INTS6: variants seen among roughly 807,000 people sequenced by gnomAD.
The protein encoded by INTS6 is integrator complex subunit 6, also known as DEAD box protein.
A neutral mutation model predicts 104.9 loss-of-function variants in INTS6; 16 were observed. The observed-to-expected ratio is 0.15, with a 90% CI of 0.10 to 0.23. INTS6 has a LOEUF of 0.23. INTS6 is among the 10% of genes least tolerant of loss of function. The probability of loss-of-function intolerance (pLI) is 1.00; values close to 1 mark genes in which losing one functional copy is unlikely to be tolerated. For missense variants in INTS6, 584 were observed against 1,062.8 expected, an observed-to-expected ratio of 0.55 and a Z score of 6.26; for synonymous variants, 324 against 358.7, an observed-to-expected ratio of 0.90 and a Z score of 1.09.
At position 51,378,358 on chromosome 13, in the gene INTS6, T is replaced by C. The variant is rs1429931122; in HGVS notation, c.1483A>G (p.Met495Val). Residue 495 changes from methionine (M) to valine (V), a missense_variant, in exon 12 of 18, where the codon ATG becomes GTG. Physicochemically the swap from Met to Val is conservative, Grantham distance 21. This residue lies in a region of INTS6 where 74 missense variants were observed against 64.4 expected (regional missense o/e 1.15). Transcript: ENST00000311234. ...TGTTGAAAATCTTTCCTATATGCCA[T>C]TGATAAACCATGTGATCGGCTCCGG... ...KVRSRSHGLS[M>V]AYRKDFQQLL... 7 of 1,613,476 alleles carry C rather than the reference T, an allele frequency of 4.3e-6. No homozygotes were observed. Among genetic ancestry groups the C allele is most frequent in the Middle Eastern group, 1.7e-4 (1 of 6,056 alleles).
intron 4 of INTS6, among the ~76,000 whole-genome samples, chr13:51,428,217 A>T (rs956342048): frequency 1.3e-5 from 2 of 152,144 alleles, no homozygotes; most frequent in African/African-American, 2.4e-5. Flanking sequence ...CATTCAAAAG[A>T]CTTTTAATTT....
chr13:51,444,810 T>C (rs1418193080), intron 3 of INTS6: 1 of 151,202 alleles, frequency 6.6e-6, no homozygotes, highest in East Asian at 1.9e-4. Context: ...CTTTTTTTTT[T>C]TTTTTTCAGA....
At chr13:51,349,818 T>G (rs1259585436), downstream of INTS6, among the ~76,000 whole-genome samples, 1 of 152,214 alleles carries the variant, frequency 6.6e-6, no homozygotes, top group African/African-American at 2.4e-5. Flanking sequence ...CTCATTCTGA[T>G]AATTTTTTTT....
the INTS6 span, among the ~76,000 whole-genome samples, chr13:51,338,983 A>G: frequency 6.6e-6 from 1 of 152,212 alleles, no homozygotes; most frequent in Non-Finnish European, 1.5e-5. Flanking sequence ...AATGTATGTA[A>G]TTCTGAATTG....
chr13:51,347,299 G>T, the INTS6 span: 1 of 1,386,438 alleles, frequency 7.2e-7, no homozygotes. Context: ...GCAGGAGAGA[G>T]GAGGCCAGGT....
At chr13:51,383,860 G>A (rs1956092997) in intron 7 of INTS6, 119 bp from the exon 8 acceptor site, 4 of 731,238 alleles carry the variant, frequency 5.5e-6, no homozygotes, top group Admixed American at 3.0e-5. Context: ...TTGATTTACT[G>A]CTAAAAGCAA....
At chr13:51,419,100 CT>C (rs1157055844) in intron 4 of INTS6, among the ~76,000 whole-genome samples, 9 of 152,048 alleles carry the variant, frequency 5.9e-5, no homozygotes, top group Non-Finnish European at 1.3e-4. Flanking sequence ...CAATTCATTC[CT>C]TTTTATTGCT....
At chr13:51,361,406 T>C (rs1253595951), downstream of INTS6, 1 of 1,240,006 alleles carries the variant, frequency 8.1e-7, no homozygotes, top group East Asian at 2.4e-5. Context: ...TACCCATATC[T>C]ACCTTTCTGA....
intron 7 of INTS6, chr13:51,383,943 C>CA: frequency 2.7e-6 from 1 of 374,050 alleles, no homozygotes; most frequent in Non-Finnish European, 4.7e-6. Context: ...AAGATAAACA[C>CA]TTGAAAATCT....
intron 4 of INTS6, among the ~76,000 whole-genome samples, chr13:51,429,833 A>G (rs1234896055): frequency 1.3e-5 from 2 of 148,254 alleles, no homozygotes; most frequent in African/African-American, 4.9e-5. Flanking sequence ...GACTTAGAGA[A>G]AACAAAAATG....
chr13:51,427,269 T>A (rs905029073), intron 4 of INTS6, among the ~76,000 whole-genome samples: 1 of 152,094 alleles, frequency 6.6e-6, no homozygotes, highest in Non-Finnish European at 1.5e-5. Context: ...ATACACTGAA[T>A]AAATCTAAAA....
chr13:51,416,106 A>T (rs1566236120), intron 4 of INTS6, among the ~76,000 whole-genome samples: 1 of 152,216 alleles, frequency 6.6e-6, no homozygotes, highest in African/African-American at 2.4e-5. Context: ...TTATTAACAA[A>T]GGTAGAATCA....
intron 4 of INTS6, among the ~76,000 whole-genome samples, chr13:51,428,131 G>A (rs9535664): frequency 0.42 from 64,291 of 151,862 alleles, 14,157 homozygotes; most frequent in African/African-American, 0.55. Flanking sequence ...GCATCACCTC[G>A]CACATAAGAA....
intron 5 of INTS6, among the ~76,000 whole-genome samples, chr13:51,390,245 T>C (rs1010241307): frequency 1.3e-5 from 2 of 152,042 alleles, no homozygotes; most frequent in African/African-American, 4.8e-5. Flanking sequence ...CTAGTCTGAA[T>C]TGAAATGTAT....
chr13:51,400,926 C>T (rs2137989096), intron 4 of INTS6, among the ~76,000 whole-genome samples: 1 of 152,126 alleles, frequency 6.6e-6, no homozygotes, highest in East Asian at 1.9e-4. Flanking sequence ...AAGAACAAGG[C>T]AAATATGGCA....
chr13:51,361,271 T>C (rs376997189), downstream of INTS6: 26 of 1,594,476 alleles, frequency 1.6e-5, no homozygotes, highest in Non-Finnish European at 1.7e-6. Flanking sequence ...TCATTTTCTG[T>C]GGTTAGGCCA....
chr13:51,418,113 T>G (rs1956827156), intron 4 of INTS6, among the ~76,000 whole-genome samples: 2 of 152,224 alleles, frequency 1.3e-5, no homozygotes, highest in South Asian at 4.1e-4. Context: ...TTTAAAATAA[T>G]TAAGCTCAAC....
chr13:51,394,024 A>T (rs536162509), intron 5 of INTS6, among the ~76,000 whole-genome samples: 1 of 151,278 alleles, frequency 6.6e-6, no homozygotes, highest in East Asian at 1.9e-4. Context: ...AAATCCCCAG[A>T]GTTTAAAAAA....
downstream of INTS6, among the ~76,000 whole-genome samples, chr13:51,358,744 A>T (rs1258484871): frequency 6.6e-6 from 1 of 152,110 alleles, no homozygotes; most frequent in Non-Finnish European, 1.5e-5. Context: ...AAAAACCCAT[A>T]GAAGATGTTA....
Sources: gnomAD v4.1 joint callset for allele counts (sites outside exome capture counted in the v4.1 genomes callset) on GRCh38, gnomAD v4.1.1 for gene constraint, gnomAD v4.1.1 regional missense constraint, MANE v1.5 for transcripts, NCBI Gene and HGNC (gene_info 2026-07-23, HGNC 2026-07-21) for gene names.